MKLN1: variants seen among roughly 807,000 people sequenced by gnomAD.
MKLN1 encodes the protein muskelin.
A neutral mutation model predicts 99.0 loss-of-function variants in MKLN1; 18 were observed. That is an observed-to-expected ratio of 0.18 (90% confidence interval 0.13 to 0.27). The LOEUF (loss-of-function observed/expected upper bound fraction) is 0.27. Ranked by LOEUF, MKLN1 falls within the 10% of genes least tolerant of loss-of-function variation. MKLN1 has a pLI of 1.00. For synonymous variants in MKLN1, 288 were observed against 293.2 expected (o/e 0.98, Z 0.18); for missense variants, 621 against 875.9 (o/e 0.71, Z 3.67).
chr7:131,390,269 G>A (rs1016157199), intron 4 of MKLN1, among the ~76,000 whole-genome samples: 1 of 152,022 alleles, frequency 6.6e-6, no homozygotes, highest in Non-Finnish European at 1.5e-5. Context: ...CCTATATTCT[G>A]TTTTCTTATA....
chr7:131,251,982 A>G (rs1584868713), intron 3 of MKLN1, among the ~76,000 whole-genome samples: 1 of 152,236 alleles, frequency 6.6e-6, no homozygotes, highest in African/African-American at 2.4e-5. Context: ...CCCAGCCCCA[A>G]CTTCATTTTA....
chr7:131,324,456 A>G (rs1798844838), upstream of MKLN1: 2 of 152,194 alleles, frequency 1.3e-5, no homozygotes, highest in Admixed American at 6.5e-5. Flanking sequence ...CAAAATTAAT[A>G]TAAGTTGGGA....
chr7:131,413,060 A>G lies in MKLN1; in HGVS notation c.782-1585A>G, dbSNP rs1794923275. 1.3e-5 allele frequency among the ~76,000 whole-genome samples: 2 copies of G among 152,220 alleles called. 1 individual carries two copies. The highest frequency in any genetic ancestry group is 4.1e-4 in the South Asian group (2 of 4,836). The stretch of plus-strand genomic sequence containing the variant: ...TAAAATACAAACATACTGAAAATGA[A>G]TTCATTTTAGTGCTTTCTTTTTTCC... On this transcript the variant is annotated intron_variant, in intron 7 of 17. Transcript: ENST00000352689.
chr7:131,414,655 A>C lies in MKLN1; in HGVS notation c.792A>C (p.Glu264Asp). Residue 264 changes from glutamate (E) to aspartate (D), a missense_variant, in exon 8 of 18, where the codon GAA becomes GAC. This residue lies in a region of MKLN1 where 361 missense variants were observed against 540.8 expected (regional missense o/e 0.67). Coordinates refer to ENST00000352689, the MANE Select transcript of MKLN1 (RefSeq NM_013255.5). Reference protein sequence around the residue: ...IIPKSTKGDGEDNRPGMRGGH... With the variant: ...IIPKSTKGDGDDNRPGMRGGH... ...TTATTTCTTCTAAAGGTGATGGGGA[A>C]GATAACCGTCCAGGAATGAGAGGAG... 6.2e-7 allele frequency: 1 copy of C among 1,607,662 alleles called. No individual in the cohort carries two copies. Among genetic ancestry groups the C allele is most frequent in the Non-Finnish European group, 8.5e-7 (1 of 1,175,810 alleles).
At position 131,397,206 on chromosome 7, in the gene MKLN1, T is replaced by C; in HGVS notation, c.401-61T>C. 3 of 1,164,310 alleles carry C rather than the reference T, an allele frequency of 2.6e-6. No individual in the cohort carries two copies. The South Asian group carries it at 4.1e-5, about 16-fold the overall frequency. The allele number at this position is 1,164,310 out of a possible 1,614,324, so 72.1% of individuals were successfully genotyped here. A position where few individuals can be genotyped will look rare whatever the true frequency, so the allele number is the denominator to read the frequency against. ...AGGTTGAATAGTGCTTTTACTTTGC[T>C]AAAGTTTTATTTGAACTGTGTTAAT... On this transcript the variant is annotated intron_variant, in intron 4 of 17. Transcript: ENST00000352689.
At chr7:131,472,798 A>G (rs935988307) in intron 16 of MKLN1, among the ~76,000 whole-genome samples, 1 of 152,068 alleles carries the variant, frequency 6.6e-6, no homozygotes, top group African/African-American at 2.4e-5. Context: ...AAAATACAAA[A>G]AAATTAGCCA....
chr7:131,170,283 A>G (rs553713595), intron 2 of MKLN1, among the ~76,000 whole-genome samples: 21 of 152,180 alleles, frequency 1.4e-4, no homozygotes, highest in Non-Finnish European at 3.1e-4. Flanking sequence ...TGTTATACTC[A>G]TTTTTAGATA....
At chr7:131,129,795 TG>T (rs1795521148) in intron 1 of MKLN1, among the ~76,000 whole-genome samples, 1 of 152,156 alleles carries the variant, frequency 6.6e-6, no homozygotes, top group South Asian at 2.1e-4. Context: ...AGATTGGTCT[TG>T]AACTCCCAGC....
rs181328797 is a variant in MKLN1 at position 131,479,975 on chromosome 7, C to T, written c.2086+1298C>T. 1.2e-3 allele frequency among the ~76,000 whole-genome samples: 177 copies of T among 143,636 alleles called. 1 individual carries two copies. The highest frequency in any genetic ancestry group is 4.4e-3 in the African/African-American group (169 of 38,266). 94.2% of individuals were successfully genotyped at this position (143,636 alleles called of 152,430 possible). A position where few individuals can be genotyped will look rare whatever the true frequency, so the allele number is the denominator to read the frequency against. ...GGGGGAGGTTGCAGTGAGCCAAGAT[C>T]GTGCCATTGCACTCCAGCCTGGGCG... On this transcript the variant is annotated intron_variant, in intron 17 of 17. Transcript: ENST00000352689.
At chr7:131,181,379 G>C (rs949502209) in intron 2 of MKLN1, among the ~76,000 whole-genome samples, 1 of 152,180 alleles carries the variant, frequency 6.6e-6, no homozygotes, top group Non-Finnish European at 1.5e-5. Flanking sequence ...TATTTAGTAT[G>C]AGTTTAATGT....
At chr7:131,209,712 T>G (rs1796872379) in intron 3 of MKLN1, among the ~76,000 whole-genome samples, 2 of 152,220 alleles carry the variant, frequency 1.3e-5, no homozygotes, top group African/African-American at 2.4e-5. Flanking sequence ...TTATGATTGC[T>G]GTCATTCAGT....
intron 7 of MKLN1, among the ~76,000 whole-genome samples, chr7:131,413,655 T>C (rs1188542009): frequency 6.6e-6 from 1 of 152,128 alleles, no homozygotes; most frequent in East Asian, 1.9e-4. Flanking sequence ...TTCTCCTGCC[T>C]CAGCCTCCTG....
In MKLN1 at chr7:131,397,384, T is replaced by C; in HGVS notation, c.510+8T>C. ...CTCAACTGGTATAGCAAGGTAGGAC[T>C]GTGTTTTAAATCCTGACTTTAATGC... On this transcript the variant is annotated splice_region_variant and intron_variant, in intron 5 of 17. Coordinates refer to ENST00000352689, the MANE Select transcript of MKLN1 (RefSeq NM_013255.5). 7 of 1,500,846 alleles carry C rather than the reference T, an allele frequency of 4.7e-6. No homozygotes were observed. The highest frequency in any genetic ancestry group is 6.4e-6 in the Non-Finnish European group (7 of 1,096,524). The allele number at this position is 1,500,846 out of a possible 1,614,324, so 93.0% of individuals were successfully genotyped here. A position where few individuals can be genotyped will look rare whatever the true frequency, so the allele number is the denominator to read the frequency against.
At chr7:131,180,637 T>G (rs1036329480) in intron 2 of MKLN1, among the ~76,000 whole-genome samples, 2 of 150,538 alleles carry the variant, frequency 1.3e-5, no homozygotes, top group African/African-American at 4.9e-5. Flanking sequence ...AGGTGGAGGT[T>G]GCAGTGAGCC....
At chr7:131,410,582 A>G (rs6966551) in intron 6 of MKLN1, among the ~76,000 whole-genome samples, 180 of 152,176 alleles carry the variant, frequency 1.2e-3, no homozygotes, top group African/African-American at 4.1e-3. Context: ...TTGGAGCTCT[A>G]TTTTCTTCTC....
At chr7:131,142,747 A>G (rs1329386113) in intron 1 of MKLN1, 3 of 396,280 alleles carry the variant, frequency 7.6e-6, no homozygotes, top group Non-Finnish European at 1.4e-5. Context: ...AAGAAAACAA[A>G]AAAGGAATTG....
rs533922892 is a variant in MKLN1 at position 131,297,507 on chromosome 7, G to C, written c.-178-77917G>C. Among the ~76,000 whole-genome samples, 3 of 151,764 alleles carry C rather than the reference G, an allele frequency of 2.0e-5. No homozygotes were observed. In the South Asian group the frequency reaches 6.2e-4, roughly 31 times the overall value. On this transcript the variant is annotated intron_variant, in intron 3 of 7. Coordinates refer to the MKLN1 transcript ENST00000416992. ...GAGGGCTGACTTTTTGTATCTGCCCGTTCTGTACGGACAACTGCAGGCCTT... is the reference window on the plus strand; with the variant it reads ...GAGGGCTGACTTTTTGTATCTGCCCCTTCTGTACGGACAACTGCAGGCCTT...
intron 3 of MKLN1, among the ~76,000 whole-genome samples, chr7:131,251,953 A>G (rs1253655684): frequency 6.6e-6 from 1 of 152,230 alleles, no homozygotes; most frequent in African/African-American, 2.4e-5. Flanking sequence ...TGCTGGGACT[A>G]CAGGCATGAG....
intron 3 of MKLN1, among the ~76,000 whole-genome samples, chr7:131,268,135 AG>A (rs1431428622): frequency 2.6e-5 from 4 of 152,224 alleles, no homozygotes; most frequent in Non-Finnish European, 5.9e-5. Flanking sequence ...TGTTCTCCCA[AG>A]AATATAAAAA....
Sources: gnomAD v4.1 joint callset for allele counts (sites outside exome capture counted in the v4.1 genomes callset) on GRCh38, gnomAD v4.1.1 for gene constraint, gnomAD v4.1.1 regional missense constraint, MANE v1.5 for transcripts, NCBI Gene and HGNC (gene_info 2026-07-23, HGNC 2026-07-21) for gene names.